Variants in CEP89 observed in about 807,000 individuals in gnomAD.
CEP89 encodes centrosomal protein 89, also known as centrosomal protein of 89 kDa.
A neutral mutation model predicts 97.6 loss-of-function variants in CEP89; 95 were observed. The observed-to-expected ratio is 0.97, with a 90% CI of 0.82 to 1.15. The LOEUF (loss-of-function observed/expected upper bound fraction) is 1.15, where lower values mean the gene tolerates loss of function less well. CEP89 is among the 50% of genes most tolerant of loss of function. CEP89 has a pLI of 0.00. For missense variants in CEP89, 869 were observed against 947.7 expected (o/e 0.92, Z 1.09); for synonymous variants, 354 against 349.1 (o/e 1.01, Z -0.16).
rs1568559832 is a variant in CEP89 at position 32,918,878 on chromosome 19, C to CTTTTCTTTTTTTTTTTTTTTT, written c.1269-540_1269-539insAAAAAAAAAAAAAAAAGAAAA. ...GGTTTCTTTTTTCTTTTTTCTTTTTCTTTTTCTTTTTTTTTTTTTTTTTTG... is the reference window on the plus strand; with the variant it reads ...GGTTTCTTTTTTCTTTTTTCTTTTTCTTTTCTTTTTTTTTTTTTTTTTTTTTCTTTTTTTTTTTTTTTTTTG... On this transcript the variant is annotated intron_variant, in intron 12 of 18. Transcript: ENST00000305768. Among the ~76,000 whole-genome samples, 3 of 110,844 alleles carry CTTTTCTTTTTTTTTTTTTTTT rather than the reference C, an allele frequency of 2.7e-5. 1 individual carries two copies. Among genetic ancestry groups the CTTTTCTTTTTTTTTTTTTTTT allele is most frequent in the Non-Finnish European group, 3.9e-5 (2 of 51,488 alleles). 72.7% of individuals were successfully genotyped at this position (110,844 alleles called of 152,430 possible).
chr19:32,914,618 C>T (rs570964911), intron 14 of CEP89, among the ~76,000 whole-genome samples: 31 of 151,946 alleles, frequency 2.0e-4, no homozygotes, highest in African/African-American at 7.2e-4. Flanking sequence ...CTAACACAGG[C>T]CAAAACAGTA....
rs779644626 is a variant in CEP89 at position 32,966,383 on chromosome 19, G to GT, written c.122_123insA (p.Asn42GlnfsTer37). 4.5e-6 allele frequency: 7 copies of GT among 1,554,828 alleles called. No individual in the cohort carries two copies. In the Admixed American group the frequency reaches 9.2e-5, roughly 21 times the overall value. On this transcript the variant is annotated frameshift_variant, in exon 2 of 19. Transcript: ENST00000305768. LOFTEE classifies it high-confidence loss of function. ...ACCTTGGTCTCTCTGGAGATGGGTTGGGGCTGCGGGGAGGAGGTGTGCGTG... is the reference window on the plus strand; with the variant it reads ...ACCTTGGTCTCTCTGGAGATGGGTTGTGGGCTGCGGGGAGGAGGTGTGCGTG...
At chr19:32,931,225 T>C in intron 9 of CEP89, 1 of 553,052 alleles carries the variant, frequency 1.8e-6, no homozygotes, top group Non-Finnish European at 3.1e-6. Context: ...TGTCCCAATG[T>C]TTTACAGTCT....
chr19:32,954,948 A>G (rs1341983395), intron 3 of CEP89, among the ~76,000 whole-genome samples: 1 of 151,608 alleles, frequency 6.6e-6, no homozygotes, highest in Non-Finnish European at 1.5e-5. Context: ...TACAGGCCTG[A>G]GCCACCATGC....
chr19:32,949,302 G>A (rs1970862741), intron 4 of CEP89, among the ~76,000 whole-genome samples: 2 of 152,202 alleles, frequency 1.3e-5, no homozygotes, highest in South Asian at 4.1e-4. Flanking sequence ...CCGCTGATGA[G>A]GAGGAGATAT....
intron 17 of CEP89, among the ~76,000 whole-genome samples, chr19:32,883,648 C>G (rs888797755): frequency 6.6e-6 from 1 of 152,198 alleles, no homozygotes; most frequent in African/African-American, 2.4e-5. Context: ...GTACTCCAAC[C>G]TGGGCGACAA....
intron 9 of CEP89, among the ~76,000 whole-genome samples, chr19:32,929,816 T>C (rs1005775293): frequency 2.0e-5 from 3 of 152,158 alleles, no homozygotes; most frequent in Admixed American, 6.6e-5. Context: ...TGTTTTTGTT[T>C]AAAAGTTAGT....
At chr19:32,968,543 T>C (rs1167620243) in intron 1 of CEP89, among the ~76,000 whole-genome samples, 2 of 152,210 alleles carry the variant, frequency 1.3e-5, no homozygotes, top group African/African-American at 4.8e-5. Flanking sequence ...CCACTGCACC[T>C]GGCCAGAAAA....
At chr19:32,958,020 C>CCCA (rs908224700) in intron 3 of CEP89, among the ~76,000 whole-genome samples, 4 of 150,956 alleles carry the variant, frequency 2.6e-5, no homozygotes, top group African/African-American at 9.7e-5. Flanking sequence ...AAATCCCCCC[C>CCCA]CCGCCAAAAA....
At chr19:32,901,439 G>C (rs752090075) in intron 14 of CEP89, 27 bp from the exon 15 acceptor site, 1 of 1,604,062 alleles carries the variant, frequency 6.2e-7, no homozygotes, top group Admixed American at 1.7e-5. Context: ...TTACATGCTC[G>C]TATCCAGCAC....
Position 32,918,304 on chromosome 19 carries a change from T to C in CEP89, c.1304A>G (p.Glu435Gly). ...CTGCTCCAGCAACAACTTGTTTTCC[T>C]CTAAAACCAGTTTTGCTTGAGTCTG... ...QLQTQAKLVLEENKLLLEQLE... is the reference protein window; with the variant it reads ...QLQTQAKLVLGENKLLLEQLE... The change falls in exon 13 of 19, where the codon GAG (glutamate) becomes GGG (glycine). Residue 435 changes from glutamate to glycine, a missense_variant. Coordinates refer to ENST00000305768, the MANE Select transcript of CEP89 (RefSeq NM_032816.5). 1 of 1,614,188 alleles carries C rather than the reference T, an allele frequency of 6.2e-7. No individual in the cohort carries two copies. The highest frequency in any genetic ancestry group is 2.2e-5 in the East Asian group (1 of 44,886).
chr19:32,900,909 AG>A (rs1969753653), intron 15 of CEP89, among the ~76,000 whole-genome samples: 1 of 99,644 alleles, frequency 1.0e-5, no homozygotes, highest in African/African-American at 3.8e-5. Context: ...TTTTTGAGAC[AG>A]GGTCTCACTC....
intron 14 of CEP89, 136 bp downstream of exon 14, chr19:32,915,201 G>A (rs950894863): frequency 9.1e-6 from 7 of 770,474 alleles, no homozygotes; most frequent in African/African-American, 9.0e-5. Flanking sequence ...GCTCATGCCT[G>A]TAATCCCAAA....
chr19:32,886,567 TC>T (rs1431890887), intron 17 of CEP89, among the ~76,000 whole-genome samples: 1 of 152,032 alleles, frequency 6.6e-6, no homozygotes, highest in Non-Finnish European at 1.5e-5. Flanking sequence ...TTCTCTTCAT[TC>T]CCCCCGAGGC....
In CEP89 at chr19:32,879,178, T is replaced by C. The variant is rs745960; in HGVS notation, c.2336A>G (p.His779Arg). 3 of 1,609,670 alleles carry C rather than the reference T, an allele frequency of 1.9e-6. No homozygotes were observed. Among genetic ancestry groups the C allele is most frequent in the Middle Eastern group, 3.3e-4 (2 of 6,012 alleles). Residue 779 changes from histidine (H) to arginine (R), a missense_variant, in exon 19 of 19, where the codon CAT (histidine) becomes CGT (arginine). Coordinates refer to ENST00000305768, the MANE Select transcript of CEP89 (RefSeq NM_032816.5). ...CDVCSYDLKS[H>R]APTC ...CCGCAGATTCTAGCAGGTGGGGGCATGAGACTTCAGGTCATAGGAGCAGAC... is the reference window on the plus strand; with the variant it reads ...CCGCAGATTCTAGCAGGTGGGGGCACGAGACTTCAGGTCATAGGAGCAGAC...
At chr19:32,930,683 C>G (rs1970453394) in intron 9 of CEP89, among the ~76,000 whole-genome samples, 1 of 152,070 alleles carries the variant, frequency 6.6e-6, no homozygotes, top group African/African-American at 2.4e-5. Context: ...AGGACCTGAG[C>G]ATCGGTTCAT....
intron 12 of CEP89, among the ~76,000 whole-genome samples, chr19:32,918,884 C>T (rs10403610): frequency 0.23 from 27,093 of 117,740 alleles, 3,865 homozygotes; most frequent in African/African-American, 0.29. Flanking sequence ...TTTTCTTTTT[C>T]TTTTTTTTTT....
Position 32,926,964 on chromosome 19 carries a change from G to A in CEP89, c.1050C>T (p.Leu350=), listed in dbSNP as rs921995477. The change falls in exon 10 of 19, where the codon CTC becomes CTT. Residue 350 remains leucine, a synonymous_variant. Transcript: ENST00000305768. ...AGGGTGGTATAGGGCCCTTGGATGGGAGGCCTTCAATATTTAAGCTCTAAG... is the reference window on the plus strand; with the variant it reads ...AGGGTGGTATAGGGCCCTTGGATGGAAGGCCTTCAATATTTAAGCTCTAAG... The part of the protein sequence containing the change: ...SKEESLNIEG[L]PSKGPIPPWL... 1.2e-6 allele frequency: 2 copies of A among 1,613,772 alleles called. No individual in the cohort carries two copies. Among genetic ancestry groups the A allele is most frequent in the Admixed American group, 1.7e-5 (1 of 60,018 alleles).
chr19:32,963,892 CCACACA>C (rs56322637), intron 2 of CEP89: 27,559 of 146,076 alleles, frequency 0.19, 2,667 homozygotes, highest in African/African-American at 0.2. Flanking sequence ...TTATAAAAGA[CCACACA>C]CACACACACA....
Sources: gnomAD v4.1 joint callset for allele counts (sites outside exome capture counted in the v4.1 genomes callset) on GRCh38, gnomAD v4.1.1 for gene constraint, MANE v1.5 for transcripts, NCBI Gene and HGNC (gene_info 2026-07-23, HGNC 2026-07-21) for gene names.